RARB: variants seen among roughly 807,000 people sequenced by gnomAD.
RARB encodes retinoic acid receptor beta.
In RARB, 17 loss-of-function variants were observed where a neutral mutation model predicts 51.9. The observed-to-expected ratio is 0.33, with a 90% CI of 0.22 to 0.49. RARB has a LOEUF of 0.49. Among genes scored for constraint, RARB ranks in the 20% least tolerant of loss-of-function variants. The probability of loss-of-function intolerance (pLI) is 0.99; values close to 1 mark genes in which losing one functional copy is unlikely to be tolerated. For synonymous variants in RARB, 215 were observed against 195.4 expected (o/e 1.10, Z -0.84); for missense variants, 369 against 550.8 (o/e 0.67, Z 3.30).
chr3:24,835,164 TTGG>T (rs1420534389), intron 1 of RARB, among the ~76,000 whole-genome samples: 1 of 152,216 alleles, frequency 6.6e-6, no homozygotes, highest in Non-Finnish European at 1.5e-5. Context: ...CCTTTTGTAC[TTGG>T]TGGTCTTTGC....
At chr3:24,907,380 C>T (rs746418919) in intron 2 of RARB, among the ~76,000 whole-genome samples, 5 of 152,030 alleles carry the variant, frequency 3.3e-5, no homozygotes, top group African/African-American at 7.3e-5. Flanking sequence ...CACTTAGTAT[C>T]GCTGGATTAG....
At chr3:25,412,065 C>T (rs7615918) in intron 5 of RARB, among the ~76,000 whole-genome samples, 128,118 of 152,176 alleles carry the variant, frequency 0.84, 54,246 homozygotes, top group East Asian at 1. Context: ...TATGAGGTAT[C>T]ACAGAACTGG....
At chr3:25,333,219 G>A (rs966149826) in intron 5 of RARB, among the ~76,000 whole-genome samples, 2 of 152,040 alleles carry the variant, frequency 1.3e-5, no homozygotes, top group African/African-American at 4.8e-5. Flanking sequence ...GCATTGCCAA[G>A]TCAATCCTAA....
intron 5 of RARB, among the ~76,000 whole-genome samples, chr3:25,335,668 C>A (rs1361028733): frequency 1.3e-5 from 2 of 152,208 alleles, no homozygotes; most frequent in African/African-American, 4.8e-5. Flanking sequence ...CTGAGAGGGG[C>A]CTTGCTGGAG....
chr3:25,513,115 TAAAAAAAAAAAAA>T (rs11420573), intron 3 of RARB, among the ~76,000 whole-genome samples: 3 of 98,506 alleles, frequency 3.0e-5, no homozygotes, highest in Non-Finnish European at 6.3e-5. Flanking sequence ...CTGTCTTTAC[TAAAAAAAAAAAAA>T]AAAAAAAAAG....
At chr3:25,159,600 T>C (rs944248037) in intron 4 of RARB, among the ~76,000 whole-genome samples, 1 of 152,170 alleles carries the variant, frequency 6.6e-6, no homozygotes, top group African/African-American at 2.4e-5. Flanking sequence ...ATCGTACATT[T>C]TATCCATATT....
chr3:24,864,550 T>A (rs1702814095), intron 2 of RARB, among the ~76,000 whole-genome samples: 1 of 152,154 alleles, frequency 6.6e-6, no homozygotes, highest in Non-Finnish European at 1.5e-5. Context: ...CAACTCAGAC[T>A]CACTCTCTCA....
intron 2 of RARB, among the ~76,000 whole-genome samples, chr3:24,877,477 G>T (rs1165963175): frequency 6.6e-6 from 1 of 150,464 alleles, no homozygotes; most frequent in Non-Finnish European, 1.5e-5. Flanking sequence ...TTGTTGAAAG[G>T]CTATAAAAGA....
At chr3:25,293,597 TAAAAAAAA>T (rs10713675) in intron 5 of RARB, among the ~76,000 whole-genome samples, 3 of 68,662 alleles carry the variant, frequency 4.4e-5, no homozygotes, top group African/African-American at 8.4e-5. Flanking sequence ...TTACTCCATT[TAAAAAAAA>T]AAAAAAAAAA....
chr3:24,990,889 G>C (rs7646972), intron 2 of RARB, among the ~76,000 whole-genome samples: 4,377 of 152,284 alleles, frequency 0.029, 190 homozygotes, highest in African/African-American at 0.094. Flanking sequence ...TCATTAAATA[G>C]TAAAGCAAAG....
chr3:25,056,081 T>C (rs1698435747), intron 2 of RARB, among the ~76,000 whole-genome samples: 1 of 152,154 alleles, frequency 6.6e-6, no homozygotes, highest in South Asian at 2.1e-4. Context: ...CTTAGTGTCA[T>C]CTTGTTTCAA....
chr3:25,512,480 C>T (rs1293734658), intron 3 of RARB, among the ~76,000 whole-genome samples: 2 of 152,212 alleles, frequency 1.3e-5, no homozygotes, highest in Non-Finnish European at 2.9e-5. Context: ...GGGCAGAGAG[C>T]CCTGCACAGC....
chr3:25,254,460 T>G (rs1358397555), intron 5 of RARB, among the ~76,000 whole-genome samples: 1 of 152,332 alleles, frequency 6.6e-6, no homozygotes, highest in East Asian at 1.9e-4. Context: ...ATTCCACTCT[T>G]GCTTTTACAT....
chr3:25,289,237 G>A (rs1308481585), intron 5 of RARB, among the ~76,000 whole-genome samples: 1 of 152,200 alleles, frequency 6.6e-6, no homozygotes, highest in Non-Finnish European at 1.5e-5. Context: ...AAAATGGTTA[G>A]TAAGACCTCC....
intron 2 of RARB, among the ~76,000 whole-genome samples, chr3:24,919,951 G>T (rs1695184624): frequency 6.6e-6 from 1 of 152,088 alleles, no homozygotes; most frequent in South Asian, 2.1e-4. Flanking sequence ...TAAAATACGT[G>T]GGTTTTAACA....
chr3:25,060,819 C>A (rs548682671), intron 3 of RARB, among the ~76,000 whole-genome samples: 1 of 151,882 alleles, frequency 6.6e-6, no homozygotes, highest in Admixed American at 6.6e-5. Flanking sequence ...TACTGATACC[C>A]AGATTGCAGG....
chr3:25,289,160 A>G (rs2125420696), intron 5 of RARB, among the ~76,000 whole-genome samples: 1 of 152,312 alleles, frequency 6.6e-6, no homozygotes, highest in East Asian at 1.9e-4. Context: ...TATCAGCTTC[A>G]CCCACTGTAG....
intron 5 of RARB, among the ~76,000 whole-genome samples, chr3:25,192,209 C>G (rs1043563201): frequency 5.9e-5 from 9 of 152,090 alleles, no homozygotes; most frequent in Non-Finnish European, 1.3e-4. Context: ...TAAATAACCT[C>G]TCATAGTTAA....
intron 2 of RARB, among the ~76,000 whole-genome samples, chr3:24,929,081 TATA>T (rs1180020322): frequency 6.6e-6 from 1 of 152,114 alleles, no homozygotes; most frequent in Non-Finnish European, 1.5e-5. Context: ...AAAGTAATGA[TATA>T]ATGATATGAA....
Sources: gnomAD v4.1 joint callset for allele counts (sites outside exome capture counted in the v4.1 genomes callset) on GRCh38, gnomAD v4.1.1 for gene constraint, MANE v1.5 for transcripts, NCBI Gene and HGNC (gene_info 2026-07-23, HGNC 2026-07-21) for gene names.